WRN: variants seen among roughly 807,000 people sequenced by gnomAD.
WRN encodes the protein WRN RecQ like helicase.
In WRN, 149 loss-of-function variants were observed where a neutral mutation model predicts 180.7. That is an observed-to-expected ratio of 0.82 (90% CI 0.72 to 0.94). The LOEUF is 0.94. Ranked by LOEUF, WRN falls within the 40% of genes least tolerant of loss-of-function variation. The probability of loss-of-function intolerance (pLI) is 0.00; values close to 1 mark genes in which losing one functional copy is unlikely to be tolerated. For synonymous variants in WRN, 548 were observed against 568.9 expected (o/e 0.96, Z 0.52); for missense variants, 1,661 against 1,700.1 (o/e 0.98, Z 0.40).
At chr8:31,142,813 CAA>C in intron 27 of WRN, 112 bp downstream of exon 27, 1 of 971,524 alleles carries the variant, frequency 1.0e-6, no homozygotes, top group Non-Finnish European at 1.5e-6. Flanking sequence ...GCATATATAA[CAA>C]AGCATAAAAT....
Position 31,175,190 on chromosome 8 carries a change from A to G in WRN, c.*2088A>G, listed in dbSNP as rs959531505. 6.6e-5 allele frequency among the ~76,000 whole-genome samples: 10 copies of G among 152,112 alleles called. No individual in the cohort carries two copies. Among genetic ancestry groups the G allele is most frequent in the Non-Finnish European group, 1.5e-4 (10 of 68,002 alleles). On this transcript the variant is annotated 3_prime_UTR_variant, in exon 35 of 35. Coordinates refer to ENST00000298139, the MANE Select transcript of WRN (RefSeq NM_000553.6). ...GGTGGCTCACGCCTGTAATCCCAGC[A>G]CTTTGGGAGGCCGAGGCGGGCGGAT...
chr8:31,040,703 A>C (rs1229207948), intron 1 of WRN, among the ~76,000 whole-genome samples: 1 of 152,180 alleles, frequency 6.6e-6, no homozygotes, highest in African/African-American at 2.4e-5. Context: ...TGGAGTGGTT[A>C]CAGTGGGTTT....
In WRN at chr8:31,111,580, T is replaced by C. The variant is rs775904082; in HGVS notation, c.2089-35T>C. 2 of 1,609,984 alleles carry C rather than the reference T, an allele frequency of 1.2e-6. 1 individual carries two copies. Among genetic ancestry groups the C allele is most frequent in the South Asian group, 2.2e-5 (2 of 90,884 alleles). On this transcript the variant is annotated intron_variant, in intron 18 of 34. Coordinates refer to ENST00000298139, the MANE Select transcript of WRN (RefSeq NM_000553.6). Reference sequence around the variant, plus strand: ...AGACATGTTGGGAATGAATGAGCTCTTTCCTTTTTAAAATATCAGTTTTAC... The same window carrying C: ...AGACATGTTGGGAATGAATGAGCTCCTTCCTTTTTAAAATATCAGTTTTAC...
intron 1 of WRN, among the ~76,000 whole-genome samples, chr8:31,055,889 G>A (rs1003852299): frequency 3.3e-5 from 5 of 152,144 alleles, no homozygotes; most frequent in Non-Finnish European, 7.3e-5. Context: ...CAATCCTCAC[G>A]TATGGTAAAG....
Position 31,174,474 on chromosome 8 carries a change from G to C in WRN, c.*1372G>C, listed in dbSNP as rs1804207537. 6.6e-6 allele frequency among the ~76,000 whole-genome samples: 1 copy of C among 152,152 alleles called. No individual in the cohort carries two copies. Among genetic ancestry groups the C allele is most frequent in the Non-Finnish European group, 1.5e-5 (1 of 68,018 alleles). ...AAACGATGATTGGTTATTAGATTTG[G>C]ATGTTTGGCAGACATTTTCTCAAAA... On this transcript the variant is annotated 3_prime_UTR_variant, in exon 35 of 35. Coordinates refer to ENST00000298139, the MANE Select transcript of WRN (RefSeq NM_000553.6).
intron 23 of WRN, among the ~76,000 whole-genome samples, chr8:31,127,902 G>T (rs948249063): frequency 3.3e-5 from 5 of 151,934 alleles, no homozygotes; most frequent in Non-Finnish European, 7.4e-5. Flanking sequence ...TACACTCCAG[G>T]CTGGGCATCA....
At position 31,175,684 on chromosome 8, in the gene WRN, CA is replaced by C. The variant is rs548246713; in HGVS notation, c.*2585del. Among the ~76,000 whole-genome samples the C allele has an allele frequency of 6.6e-6, 1 of 152,122 alleles. No individual in the cohort carries two copies. Among genetic ancestry groups the C allele is most frequent in the African/African-American group, 2.4e-5 (1 of 41,418 alleles). ...TCTCTTTTCCAACTACGTGCCTGTG[CA>C]AAGTCAGATTTTTTTCATATACTTC... On this transcript the variant is annotated 3_prime_UTR_variant, in exon 35 of 35. Transcript: ENST00000298139.
At chr8:31,106,582 CG>C (rs1801105575) in intron 18 of WRN, among the ~76,000 whole-genome samples, 1 of 152,092 alleles carries the variant, frequency 6.6e-6, no homozygotes, top group African/African-American at 2.4e-5. Flanking sequence ...TCCCTGAATA[CG>C]TTTCCCCCAC....
chr8:31,142,197 T>G (rs1290733448), intron 26 of WRN, among the ~76,000 whole-genome samples: 1 of 152,182 alleles, frequency 6.6e-6, no homozygotes, highest in Non-Finnish European at 1.5e-5. Context: ...TCCTCCTGCC[T>G]CAGCCTCCCA....
intron 33 of WRN, among the ~76,000 whole-genome samples, chr8:31,161,017 C>T (rs971252556): frequency 3.3e-5 from 5 of 151,102 alleles, no homozygotes; most frequent in African/African-American, 1.2e-4. Context: ...TTGTGCAGTT[C>T]CCCCCACCCC....
At chr8:31,121,889 T>C (rs1362221437) in intron 21 of WRN, among the ~76,000 whole-genome samples, 1 of 152,004 alleles carries the variant, frequency 6.6e-6, no homozygotes, top group African/African-American at 2.4e-5. Context: ...TCTTATGATC[T>C]AATTTAAATA....
At chr8:31,136,353 T>C (rs1802396790) in intron 24 of WRN, among the ~76,000 whole-genome samples, 1 of 152,216 alleles carries the variant, frequency 6.6e-6, no homozygotes, top group African/African-American at 2.4e-5. Flanking sequence ...CTAACACTGG[T>C]AAAAAGACTA....
chr8:31,101,931 T>TAAA (rs544146921), intron 18 of WRN, among the ~76,000 whole-genome samples: 81 of 147,972 alleles, frequency 5.5e-4, no homozygotes, highest in African/African-American at 1.8e-3. Flanking sequence ...CAAGAAGTTG[T>TAAA]AAAAAAAAAA....
intron 28 of WRN, among the ~76,000 whole-genome samples, chr8:31,146,761 C>T (rs1585521466): frequency 6.6e-6 from 1 of 152,120 alleles, no homozygotes; most frequent in Non-Finnish European, 1.5e-5. Context: ...AGAATATTTT[C>T]TTTCAAAAGC....
At chr8:31,155,343 C>T (rs1421382890) in intron 32 of WRN, among the ~76,000 whole-genome samples, 1 of 152,094 alleles carries the variant, frequency 6.6e-6, no homozygotes, top group Non-Finnish European at 1.5e-5. Context: ...CATACGTAGG[C>T]CGGGTGTGGT....
intron 1 of WRN, among the ~76,000 whole-genome samples, chr8:31,051,475 G>A (rs1000875158): frequency 2.6e-5 from 4 of 152,078 alleles, no homozygotes; most frequent in Admixed American, 6.6e-5. Context: ...TCTTATTGGC[G>A]TGATTTCTAT....
rs1563375284 is a variant in WRN at position 31,139,999 on chromosome 8, C to CTTTT, written c.2968-1428_2968-1427insTTTT. Among the ~76,000 whole-genome samples, 189 of 74,696 alleles carry CTTTT rather than the reference C, an allele frequency of 2.5e-3. 6 individuals are homozygous for CTTTT. Among genetic ancestry groups the CTTTT allele is most frequent in the African/African-American group, 9.3e-3 (174 of 18,694 alleles). 49.0% of individuals were successfully genotyped at this position (74,696 alleles called of 152,430 possible). ...CATAAAGCTCTATGTTTGTATACTT[C>CTTTT]TTTGTTTTTTTTTTTTTTTTTTTTT... On this transcript the variant is annotated intron_variant, in intron 24 of 34. Coordinates refer to ENST00000298139, the MANE Select transcript of WRN (RefSeq NM_000553.6).
chr8:31,114,723 A>G (rs578171491), intron 19 of WRN, among the ~76,000 whole-genome samples: 10 of 152,108 alleles, frequency 6.6e-5, no homozygotes, highest in Non-Finnish European at 1.3e-4. Context: ...TGATACAGAA[A>G]TAGTTGCATA....
rs374074387 is a variant in WRN, at chr8:31,115,325, T to C, written c.2274-1029T>C. ...ATAGATTTGAACAGATTATTCAGTA[T>C]GACTCTTGTAGTGAAATTATTGCCT... On this transcript the variant is annotated intron_variant, in intron 19 of 34. Coordinates refer to ENST00000298139, the MANE Select transcript of WRN (RefSeq NM_000553.6). Among the ~76,000 whole-genome samples the C allele has an allele frequency of 9.2e-5, 14 of 152,246 alleles. No homozygotes were observed. In the East Asian group the frequency reaches 2.5e-3, roughly 27 times the overall value.
Sources: allele counts gnomAD v4.1 joint callset (sites outside exome capture counted in the v4.1 genomes callset), GRCh38; gene constraint gnomAD v4.1.1; transcripts MANE v1.5; gene names NCBI Gene and HGNC (gene_info 2026-07-23, HGNC 2026-07-21).